Variants in MAGI2 observed in about 807,000 individuals in gnomAD.
MAGI2 encodes membrane associated guanylate kinase, WW and PDZ domain containing 2.
MAGI2 carries 35 observed loss-of-function variants against 133.3 expected under a neutral mutation model. The ratio of observed to expected loss-of-function variants is 0.26; its 90% CI spans 0.20 to 0.35. The LOEUF (loss-of-function observed/expected upper bound fraction) is 0.35, where lower values mean the gene tolerates loss of function less well. Ranked by LOEUF, MAGI2 falls within the 10% of genes least tolerant of loss-of-function variation. The pLI is 1.00. For missense variants in MAGI2, 1,636 were observed against 1,863.4 expected, an observed-to-expected ratio of 0.88 and a Z score of 2.25; for synonymous variants, 729 against 710.6, an observed-to-expected ratio of 1.03 and a Z score of -0.41.
chr7:79,095,270 G>A (rs539354992), intron 1 of MAGI2, among the ~76,000 whole-genome samples: 19 of 152,246 alleles, frequency 1.2e-4, no homozygotes, highest in Non-Finnish European at 1.9e-4. Context: ...AAGACAGTGC[G>A]GTGGCTTGTT....
At chr7:79,062,562 A>G (rs923381063) in intron 1 of MAGI2, among the ~76,000 whole-genome samples, 3 of 152,174 alleles carry the variant, frequency 2.0e-5, no homozygotes, top group Non-Finnish European at 2.9e-5. Context: ...GAAAAATGCA[A>G]AAGATTAAAA....
chr7:78,545,058 A>G (rs1798710352), intron 3 of MAGI2, among the ~76,000 whole-genome samples: 1 of 151,566 alleles, frequency 6.6e-6, no homozygotes, highest in Non-Finnish European at 1.5e-5. Flanking sequence ...CATCCCTATT[A>G]GACTTTAAGC....
intron 2 of MAGI2, among the ~76,000 whole-genome samples, chr7:78,711,043 G>A (rs1819133996): frequency 6.6e-6 from 1 of 152,130 alleles, no homozygotes; most frequent in Non-Finnish European, 1.5e-5. Flanking sequence ...AGTGCATGAT[G>A]ATCACAACAT....
intron 1 of MAGI2, among the ~76,000 whole-genome samples, chr7:79,234,227 A>G (rs1304514162): frequency 7.2e-6 from 1 of 137,986 alleles, no homozygotes; most frequent in East Asian, 2.2e-4. Context: ...TGCCCTTAAC[A>G]TTTTTTCCTT....
Position 78,246,624 on chromosome 7 carries a change from C to T in MAGI2, c.2047+9319G>A, listed in dbSNP as rs1791819643. ...TGTCCCACCAGAGCCTAAGCAATTGCTGCACTCTGCTATTCTAGGGTTCTG... is the reference window on the plus strand; with the variant it reads ...TGTCCCACCAGAGCCTAAGCAATTGTTGCACTCTGCTATTCTAGGGTTCTG... On this transcript the variant is annotated intron_variant, in intron 10 of 21. Transcript: ENST00000354212. 2.0e-5 allele frequency among the ~76,000 whole-genome samples: 3 copies of T among 152,176 alleles called. No individual in the cohort carries two copies. In the South Asian group the frequency reaches 6.2e-4, roughly 32 times the overall value.
At chr7:78,262,657 A>G (rs1793624481) in intron 9 of MAGI2, among the ~76,000 whole-genome samples, 1 of 152,028 alleles carries the variant, frequency 6.6e-6, no homozygotes, top group Admixed American at 6.6e-5. Context: ...TCACTTATTC[A>G]TTAATTTATT....
At chr7:78,821,657 G>C (rs1490514382) in intron 2 of MAGI2, among the ~76,000 whole-genome samples, 2 of 151,934 alleles carry the variant, frequency 1.3e-5, no homozygotes, top group Non-Finnish European at 2.9e-5. Context: ...ACTATTTAAA[G>C]TGTAGTTTAA....
intron 3 of MAGI2, among the ~76,000 whole-genome samples, chr7:78,587,337 T>C (rs76534697): frequency 0.27 from 41,142 of 152,088 alleles, 6,511 homozygotes; most frequent in Middle Eastern, 0.39. Flanking sequence ...TTCATCACTG[T>C]CTAATGAGGA....
chr7:78,366,331 A>G (rs1793373666), intron 7 of MAGI2, among the ~76,000 whole-genome samples: 1 of 152,156 alleles, frequency 6.6e-6, no homozygotes. Flanking sequence ...TATTTATAAT[A>G]CATATACCGA....
At chr7:78,646,823 C>T (rs2151002007) in intron 2 of MAGI2, among the ~76,000 whole-genome samples, 1 of 152,312 alleles carries the variant, frequency 6.6e-6, no homozygotes, top group East Asian at 1.9e-4. Context: ...CTCACTTCAT[C>T]TCTCTCTACA....
intron 1 of MAGI2, among the ~76,000 whole-genome samples, chr7:79,359,668 A>AC (rs1842253668): frequency 8.1e-6 from 1 of 123,226 alleles, no homozygotes; most frequent in East Asian, 2.7e-4. Context: ...CTCAAGTGGG[A>AC]AACACACACA....
intron 16 of MAGI2, among the ~76,000 whole-genome samples, chr7:78,151,788 T>A (rs1823897589): frequency 1.3e-5 from 2 of 152,178 alleles, no homozygotes; most frequent in African/African-American, 4.8e-5. Flanking sequence ...GCATCGCCCA[T>A]TGTCAAAAAT....
chr7:79,022,978 C>T (rs913551369), intron 1 of MAGI2, among the ~76,000 whole-genome samples: 14 of 152,130 alleles, frequency 9.2e-5, no homozygotes, highest in African/African-American at 3.4e-4. Flanking sequence ...TCCTCCCTAA[C>T]TCATTCTATG....
chr7:78,230,212 C>T (rs182480741), intron 10 of MAGI2, among the ~76,000 whole-genome samples: 102 of 152,294 alleles, frequency 6.7e-4, no homozygotes, highest in Middle Eastern at 3.4e-3. Flanking sequence ...TTTTGAATTG[C>T]ATTAAAGTGT....
intron 6 of MAGI2, among the ~76,000 whole-genome samples, chr7:78,447,059 C>A (rs1487722765): frequency 6.6e-6 from 1 of 152,044 alleles, no homozygotes; most frequent in Non-Finnish European, 1.5e-5. Flanking sequence ...AAGATTGTAG[C>A]ACTGCCCAGG....
At chr7:79,191,402 CTTTTTTTT>C (rs71095386) in intron 1 of MAGI2, among the ~76,000 whole-genome samples, 2,108 of 22,816 alleles carry the variant, frequency 0.092, 80 homozygotes, top group East Asian at 0.21. Context: ...CTTTTTCTTT[CTTTTTTTT>C]TTTTTTTTTT....
chr7:79,354,494 C>G (rs1161316259), intron 1 of MAGI2: 1 of 152,274 alleles, frequency 6.6e-6, no homozygotes, highest in Non-Finnish European at 1.5e-5. Flanking sequence ...AGAACCCACA[C>G]ACAAACTTAC....
intron 1 of MAGI2, among the ~76,000 whole-genome samples, chr7:79,218,634 A>G (rs1830214565): frequency 6.6e-6 from 1 of 152,090 alleles, no homozygotes; most frequent in Admixed American, 6.5e-5. Context: ...CAGTAGAAAA[A>G]GCATCTCTAT....
chr7:78,380,632 G>A (rs1488530353), intron 6 of MAGI2, among the ~76,000 whole-genome samples: 1 of 151,992 alleles, frequency 6.6e-6, no homozygotes, highest in Non-Finnish European at 1.5e-5. Context: ...TAGTTAAAGG[G>A]TACAAAAATA....
Sources: allele counts gnomAD v4.1 joint callset (sites outside exome capture counted in the v4.1 genomes callset), GRCh38; gene constraint gnomAD v4.1.1; transcripts MANE v1.5; gene names NCBI Gene and HGNC (gene_info 2026-07-23, HGNC 2026-07-21).